Variants in CHD1 observed in about 807,000 individuals in gnomAD.
The protein encoded by CHD1 is ATP-dependent chromatin remodeler CHD1.
In CHD1, 36 loss-of-function variants were observed where a neutral mutation model predicts 224.2. That is an observed-to-expected ratio of 0.16 (90% confidence interval 0.12 to 0.21). CHD1 has a LOEUF of 0.21. CHD1 is among the 10% of genes least tolerant of loss of function. CHD1 has a pLI of 1.00. For missense variants in CHD1, 1,378 were observed against 1,994.8 expected (o/e 0.69, Z 5.89); for synonymous variants, 668 against 658.3 (o/e 1.01, Z -0.23).
At chr5:98,890,456 G>C (rs1175437913) in intron 15 of CHD1, among the ~76,000 whole-genome samples, 4 of 151,996 alleles carry the variant, frequency 2.6e-5, no homozygotes, top group Admixed American at 2.6e-4. Context: ...AATTTCTCTA[G>C]AGGTAAAAAT....
intron 34 of CHD1, 79 bp downstream of exon 34, chr5:98,858,885 T>C (rs2545735): frequency 0.17 from 145,985 of 870,988 alleles, 13,825 homozygotes; most frequent in Middle Eastern, 0.27. Context: ...GAACCTTTTT[T>C]ATCATTTGGT....
intron 18 of CHD1, among the ~76,000 whole-genome samples, chr5:98,884,569 A>G (rs1750508124): frequency 1.3e-5 from 2 of 152,154 alleles, no homozygotes; most frequent in African/African-American, 4.8e-5. Context: ...TATACTGCTC[A>G]GGTGAAGGGT....
intron 2 of CHD1, among the ~76,000 whole-genome samples, chr5:98,911,146 A>AAAAAAAAAAT (rs1491111295): frequency 1.5e-4 from 6 of 39,130 alleles, no homozygotes; most frequent in Non-Finnish European, 2.7e-4. Flanking sequence ...AAAAAAAAAA[A>AAAAAAAAAAT]ATATATATAT....
At chr5:98,923,198 C>T (rs1020287829) in intron 2 of CHD1, among the ~76,000 whole-genome samples, 2 of 151,736 alleles carry the variant, frequency 1.3e-5, no homozygotes, top group Non-Finnish European at 1.5e-5. Context: ...AGTATAGCAG[C>T]GGTAAGAAAG....
intron 2 of CHD1, among the ~76,000 whole-genome samples, chr5:98,907,765 C>T (rs1752143571): frequency 6.6e-6 from 1 of 151,626 alleles, no homozygotes; most frequent in Non-Finnish European, 1.5e-5. Flanking sequence ...GCAACAATGG[C>T]AGAATAACCC....
At chr5:98,903,985 A>G in intron 3 of CHD1, 77 bp from the exon 4 acceptor site, 1 of 838,260 alleles carries the variant, frequency 1.2e-6, no homozygotes, top group Non-Finnish European at 1.9e-6. Flanking sequence ...TTGAAAAACT[A>G]TACCACCATC....
At position 98,858,311 on chromosome 5, in the gene CHD1, C is replaced by A. The variant is rs755404931; in HGVS notation, c.4656G>T (p.Gln1552His). 6.2e-6 allele frequency: 10 copies of A among 1,613,120 alleles called. No homozygotes were observed. The East Asian group carries it at 2.0e-4, about 32-fold the overall frequency. ...GTCGGTCTTTATGATGATCATGGTACTGAGTTAAGTGTCTATCAGAGGAAT... is the reference window on the plus strand; with the variant it reads ...GTCGGTCTTTATGATGATCATGGTAATGAGTTAAGTGTCTATCAGAGGAAT... ...DSYSSDRHLT[Q>H]YHDHHKDRHQ... The change falls in exon 35 of 36, where the codon CAG (glutamine) becomes CAT (histidine). Residue 1552 changes from glutamine to histidine, a missense_variant. By Grantham distance (24) the Gln-to-His change is conservative (BLOSUM62 0). This residue lies in a region of CHD1 where 278 missense variants were observed against 298.5 expected (regional missense o/e 0.93). Transcript: ENST00000614616.
At chr5:98,888,388 G>C (rs1750791423) in intron 16 of CHD1, 148 bp from the exon 17 acceptor site, 1 of 627,246 alleles carries the variant, frequency 1.6e-6, no homozygotes, top group Admixed American at 3.4e-5. Context: ...AATTTTCTAA[G>C]ACCTTTACCA....
intron 2 of CHD1, among the ~76,000 whole-genome samples, chr5:98,917,467 T>C (rs1296375597): frequency 1.3e-5 from 2 of 152,212 alleles, no homozygotes; most frequent in African/African-American, 2.4e-5. Flanking sequence ...TTCTTGATTA[T>C]AAGCTTTAAA....
Position 98,879,706 on chromosome 5 carries a change from T to C in CHD1, c.3083A>G (p.Asp1028Gly). ...AGGTTCCAACTCAATGTCATCCTCA[T>C]CCATATTTGAGAAGTTGGCAACCTG... ...QFKVANFSNM[D>G]EDDIELEPER... Residue 1028 changes from aspartate (D) to glycine (G), a missense_variant, in exon 23 of 36, where the codon GAT (aspartate) becomes GGT (glycine). Physicochemically the swap from Asp to Gly is moderately conservative, Grantham distance 94. Around this residue, in one of 16 missense-constraint regions of CHD1, gnomAD observed 286 missense variants for 445.1 expected, o/e 0.64. Transcript: ENST00000614616. The C allele has an allele frequency of 8.8e-6, 14 of 1,599,220 alleles. No individual in the cohort carries two copies. The highest frequency in any genetic ancestry group is 1.1e-5 in the Non-Finnish European group (13 of 1,176,310).
Position 98,859,987 on chromosome 5 carries a change from T to C in CHD1, c.4509A>G (p.Lys1503=). 1.3e-6 allele frequency: 2 copies of C among 1,519,814 alleles called. No homozygotes were observed. Among genetic ancestry groups the C allele is most frequent in the Non-Finnish European group, 1.8e-6 (2 of 1,128,350 alleles). 94.1% of individuals were successfully genotyped at this position (1,519,814 alleles called of 1,614,324 possible). ...TCAAGTTTACCTGAGACTCCTGCCGTTTTTTAATAGCATGCTTATATAATT... is the reference window on the plus strand; with the variant it reads ...TCAAGTTTACCTGAGACTCCTGCCGCTTTTTAATAGCATGCTTATATAATT... ...LHKLYKHAIK[K]RQESQQNSDQ... is the part of the protein sequence containing the mutation. Residue 1503 remains lysine (K), a synonymous_variant, in exon 33 of 36, where the codon AAA becomes AAG. Coordinates refer to ENST00000614616, the MANE Select transcript of CHD1 (RefSeq NM_001270.4).
intron 15 of CHD1, 76 bp from the exon 16 acceptor site, chr5:98,889,314 C>CA (rs1280427502): frequency 5.5e-6 from 6 of 1,097,218 alleles, no homozygotes; most frequent in Non-Finnish European, 5.1e-6. Flanking sequence ...TTAAAACAAA[C>CA]AAAAAAAGCC....
intron 15 of CHD1, among the ~76,000 whole-genome samples, chr5:98,892,322 C>T (rs1404381735): frequency 6.6e-6 from 1 of 152,124 alleles, no homozygotes; most frequent in Admixed American, 6.5e-5. Flanking sequence ...ATGAATTACT[C>T]AGTGTTGTCA....
intron 2 of CHD1, among the ~76,000 whole-genome samples, chr5:98,924,583 C>A (rs893351205): frequency 6.6e-6 from 1 of 152,204 alleles, no homozygotes; most frequent in African/African-American, 2.4e-5. Context: ...TGCTGCTTTC[C>A]ATAACTGTTC....
intron 2 of CHD1, among the ~76,000 whole-genome samples, chr5:98,912,607 G>A (rs138207795): frequency 2.2e-4 from 33 of 152,184 alleles, no homozygotes; most frequent in Admixed American, 3.9e-4. Flanking sequence ...GGAGGCAGAG[G>A]TTGCAGTGAG....
intron 2 of CHD1, among the ~76,000 whole-genome samples, chr5:98,921,488 C>T (rs940539972): frequency 6.6e-6 from 1 of 152,130 alleles, no homozygotes; most frequent in African/African-American, 2.4e-5. Flanking sequence ...CAAGGTTCTA[C>T]AGTTATAATA....
At chr5:98,905,870 A>G (rs1580485105) in intron 2 of CHD1, among the ~76,000 whole-genome samples, 2 of 152,196 alleles carry the variant, frequency 1.3e-5, no homozygotes, top group Admixed American at 6.5e-5. Flanking sequence ...AGTTGATTAT[A>G]TAATTATCCC....
At chr5:98,889,289 T>C in intron 15 of CHD1, 51 bp from the exon 16 acceptor site, 1 of 1,338,152 alleles carries the variant, frequency 7.5e-7, no homozygotes, top group Non-Finnish European at 1.0e-6. Context: ...ATTACCAGGA[T>C]AAATTCTAAA....
intron 23 of CHD1, among the ~76,000 whole-genome samples, chr5:98,876,913 A>C (rs1403341416): frequency 1.3e-5 from 2 of 152,246 alleles, no homozygotes; most frequent in African/African-American, 2.4e-5. Context: ...CATGCCTGTA[A>C]TCCCAGCATG....
Sources: allele counts gnomAD v4.1 joint callset (sites outside exome capture counted in the v4.1 genomes callset), GRCh38; gene constraint gnomAD v4.1.1; regional missense constraint gnomAD v4.1.1; transcripts MANE v1.5; gene names NCBI Gene and HGNC (gene_info 2026-07-23, HGNC 2026-07-21).